Variants in MTA3 observed in about 807,000 individuals in gnomAD.
MTA3 encodes metastasis-associated protein MTA3.
A neutral mutation model predicts 83.5 loss-of-function variants in MTA3; 34 were observed. The observed-to-expected ratio is 0.41, with a 90% confidence interval of 0.31 to 0.54. The LOEUF (loss-of-function observed/expected upper bound fraction) is 0.54, where lower values mean the gene tolerates loss of function less well. MTA3 is among the 20% of genes least tolerant of loss of function. The pLI, the probability that MTA3 is intolerant of heterozygous loss-of-function variation, is 0.33. For synonymous variants in MTA3, 303 were observed against 252.7 expected (o/e 1.20, Z -1.89); for missense variants, 761 against 726.4 (o/e 1.05, Z -0.55).
intron 2 of MTA3, among the ~76,000 whole-genome samples, chr2:42,534,413 C>G (rs1237546879): frequency 6.6e-6 from 1 of 151,882 alleles, no homozygotes; most frequent in Non-Finnish European, 1.5e-5. Context: ...CTGGCCAACA[C>G]GGCAAAACCC....
intron 4 of MTA3, among the ~76,000 whole-genome samples, chr2:42,625,166 GGATTAC>G (rs1161649797): frequency 4.0e-5 from 6 of 151,804 alleles, no homozygotes; most frequent in African/African-American, 1.5e-4. Context: ...TGAGTAGGTG[GGATTAC>G]AGGCGCCCGC....
chr2:42,640,959 C>T (rs184090141), intron 5 of MTA3, among the ~76,000 whole-genome samples: 9 of 152,232 alleles, frequency 5.9e-5, no homozygotes, highest in East Asian at 3.9e-4. Flanking sequence ...CATTCTGGAA[C>T]GCAGTGACGT....
chr2:42,515,939 C>G (rs1455268809), intron 2 of MTA3, among the ~76,000 whole-genome samples: 1 of 150,782 alleles, frequency 6.6e-6, no homozygotes, highest in East Asian at 1.9e-4. Flanking sequence ...CTCCCGGGTT[C>G]ACGCCATTCT....
chr2:42,572,633 C>T (rs1678617152), intron 2 of MTA3, among the ~76,000 whole-genome samples: 1 of 152,024 alleles, frequency 6.6e-6, no homozygotes, highest in Non-Finnish European at 1.5e-5. Flanking sequence ...ACCTTTGGCC[C>T]AATTAAAATT....
At chr2:42,562,799 C>T (rs569248132) in intron 2 of MTA3, among the ~76,000 whole-genome samples, 2 of 152,318 alleles carry the variant, frequency 1.3e-5, no homozygotes, top group South Asian at 2.1e-4. Flanking sequence ...CCCTCCTAAA[C>T]ACCAGGCCTT....
chr2:42,729,137 A>T (rs1419067011), intron 16 of MTA3, among the ~76,000 whole-genome samples: 1 of 112,132 alleles, frequency 8.9e-6, no homozygotes, highest in Non-Finnish European at 1.6e-5. Context: ...TCTGTTGCTC[A>T]GGCTGGAGTG....
intron 2 of MTA3, among the ~76,000 whole-genome samples, chr2:42,555,749 C>G (rs1677354267): frequency 6.6e-6 from 1 of 151,222 alleles, no homozygotes; most frequent in Non-Finnish European, 1.5e-5. Context: ...GCCTGCGCAA[C>G]AGAGCGAGAC....
At chr2:42,714,036 T>G (rs1199093728) in intron 14 of MTA3, among the ~76,000 whole-genome samples, 2 of 152,330 alleles carry the variant, frequency 1.3e-5, no homozygotes, top group Admixed American at 1.3e-4. Context: ...ACTCACAACA[T>G]CTAGACAATT....
chr2:42,642,345 G>A (rs1687770269), intron 5 of MTA3, among the ~76,000 whole-genome samples: 1 of 152,026 alleles, frequency 6.6e-6, no homozygotes, highest in African/African-American at 2.4e-5. Flanking sequence ...AAAGTGAACT[G>A]AAGTATCTCT....
chr2:42,517,232 C>T (rs1675186946), intron 2 of MTA3, among the ~76,000 whole-genome samples: 1 of 150,966 alleles, frequency 6.6e-6, no homozygotes, highest in Non-Finnish European at 1.5e-5. Context: ...TGCACTCCAG[C>T]CTTGGGGACA....
At chr2:42,686,799 C>G (rs1403904637) in intron 9 of MTA3, among the ~76,000 whole-genome samples, 2 of 151,514 alleles carry the variant, frequency 1.3e-5, no homozygotes, top group African/African-American at 4.9e-5. Flanking sequence ...TGCACTCCAG[C>G]CTGGGTGATG....
At chr2:42,533,687 C>T (rs1676087993) in intron 2 of MTA3, among the ~76,000 whole-genome samples, 2 of 150,470 alleles carry the variant, frequency 1.3e-5, no homozygotes, top group Non-Finnish European at 3.0e-5. Flanking sequence ...CAAAAATTAG[C>T]AGGGCGTAGT....
At chr2:42,656,107 A>T in intron 6 of MTA3, 93 bp from the exon 7 acceptor site, 1 of 945,424 alleles carries the variant, frequency 1.1e-6, no homozygotes, top group East Asian at 2.5e-5. Flanking sequence ...TTACACATAA[A>T]CATTTCTAAT....
intron 2 of MTA3, among the ~76,000 whole-genome samples, chr2:42,524,301 A>AT (rs200430174): frequency 6.7e-6 from 1 of 149,082 alleles, no homozygotes; most frequent in Non-Finnish European, 1.5e-5. Flanking sequence ...AACCATTATT[A>AT]TTATTTTTTT....
chr2:42,513,849 C>T (rs1675012336), intron 2 of MTA3, among the ~76,000 whole-genome samples: 1 of 152,196 alleles, frequency 6.6e-6, no homozygotes, highest in South Asian at 2.1e-4. Context: ...GGATTTCAGA[C>T]TCCCATGAAA....
At chr2:42,713,829 G>A (rs975158500) in intron 14 of MTA3, among the ~76,000 whole-genome samples, 3 of 152,100 alleles carry the variant, frequency 2.0e-5, no homozygotes, top group African/African-American at 7.2e-5. Flanking sequence ...AAGCTTTTAA[G>A]TTATTTTCAG....
At chr2:42,568,855 G>A in intron 1 of MTA3, 82 bp downstream of exon 1, 4 of 1,188,844 alleles carry the variant, frequency 3.4e-6, no homozygotes, top group South Asian at 4.2e-5. Context: ...GCCAACTGCC[G>A]GGAGCCAAGG....
chr2:42,710,655 A>G (rs1176712352), intron 14 of MTA3, among the ~76,000 whole-genome samples: 1 of 151,654 alleles, frequency 6.6e-6, no homozygotes, highest in Non-Finnish European at 1.5e-5. Flanking sequence ...TTAGGCTTAT[A>G]TTTAGGTTTT....
chr2:42,498,642 C>T (rs2103636052), intron 2 of MTA3, among the ~76,000 whole-genome samples: 1 of 152,260 alleles, frequency 6.6e-6, no homozygotes, highest in Admixed American at 6.5e-5. Context: ...TGGAATTTGG[C>T]TCTTTATGTC....
Sources: gnomAD v4.1 joint callset for allele counts (sites outside exome capture counted in the v4.1 genomes callset) on GRCh38, gnomAD v4.1.1 for gene constraint, MANE v1.5 for transcripts, NCBI Gene and HGNC (gene_info 2026-07-23, HGNC 2026-07-21) for gene names.